NEBL: variants seen among roughly 807,000 people sequenced by gnomAD.
The protein encoded by NEBL is LIM and SH3 protein 2.
In NEBL, 122 loss-of-function variants were observed where a neutral mutation model predicts 140.2. The observed-to-expected ratio is 0.87, with a 90% CI of 0.75 to 1.01. NEBL has a LOEUF of 1.01. NEBL is among the 50% of genes least tolerant of loss of function. The probability of loss-of-function intolerance (pLI) is 0.00; values close to 1 mark genes in which losing one functional copy is unlikely to be tolerated. For synonymous variants in NEBL, 436 were observed against 398.9 expected (o/e 1.09, Z -1.11); for missense variants, 1,365 against 1,231.3 (o/e 1.11, Z -1.62).
intron 2 of NEBL, among the ~76,000 whole-genome samples, chr10:21,127,819 A>AT (rs1449545350): frequency 6.6e-6 from 1 of 152,240 alleles, no homozygotes; most frequent in Non-Finnish European, 1.5e-5. Flanking sequence ...AATTGAATAA[A>AT]TGTACTTAAT....
intron 2 of NEBL, among the ~76,000 whole-genome samples, chr10:21,075,294 C>G (rs1836013743): frequency 6.6e-6 from 1 of 152,078 alleles, no homozygotes; most frequent in South Asian, 2.1e-4. Flanking sequence ...TCCCAAAAGC[C>G]CAGTAGTTTC....
intron 3 of NEBL, among the ~76,000 whole-genome samples, chr10:21,230,774 TC>T (rs1842238568): frequency 6.6e-6 from 1 of 151,904 alleles, no homozygotes; most frequent in Non-Finnish European, 1.5e-5. Flanking sequence ...CCAGCTAATT[TC>T]TGTATTTTTG....
intron 11 of NEBL, among the ~76,000 whole-genome samples, chr10:20,848,055 T>C (rs1483540697): frequency 1.3e-5 from 2 of 152,172 alleles, no homozygotes; most frequent in African/African-American, 4.8e-5. Flanking sequence ...AAAAGCACTA[T>C]GATAGCTCCT....
intron 13 of NEBL, 138 bp from the exon 14 acceptor site, chr10:20,835,761 A>T (rs961541307): frequency 1.4e-5 from 10 of 708,102 alleles, no homozygotes; most frequent in South Asian, 5.9e-5. Flanking sequence ...ATGAATGATC[A>T]CTCACAACTA....
intron 3 of NEBL, among the ~76,000 whole-genome samples, chr10:21,242,096 G>A (rs1842447318): frequency 6.6e-6 from 1 of 152,104 alleles, no homozygotes; most frequent in African/African-American, 2.4e-5. Context: ...CAGCTACTTG[G>A]GAAGCTAAGA....
intron 4 of NEBL, among the ~76,000 whole-genome samples, chr10:20,903,878 G>A (rs1394421519): frequency 9.1e-6 from 1 of 110,236 alleles, no homozygotes; most frequent in African/African-American, 5.4e-5. Context: ...AAGGGAGAAG[G>A]GTAAGGGATT....
intron 1 of NEBL, among the ~76,000 whole-genome samples, chr10:21,284,080 C>T (rs983984139): frequency 4.8e-5 from 7 of 146,976 alleles, no homozygotes; most frequent in African/African-American, 1.5e-4. Context: ...TATGGTGGCT[C>T]ACGCCTGTAG....
At chr10:20,834,324 A>C (rs1188836474) in intron 14 of NEBL, among the ~76,000 whole-genome samples, 1 of 152,198 alleles carries the variant, frequency 6.6e-6, no homozygotes, top group Non-Finnish European at 1.5e-5. Context: ...ACTATCTCTC[A>C]GGACGAGAAC....
intron 3 of NEBL, among the ~76,000 whole-genome samples, chr10:21,181,480 A>AG (rs1841386825): frequency 6.6e-6 from 1 of 152,184 alleles, no homozygotes; most frequent in Non-Finnish European, 1.5e-5. Context: ...GCAGGAACCC[A>AG]GGAAAAACTG....
At chr10:21,099,235 T>C (rs1837354934) in intron 2 of NEBL, among the ~76,000 whole-genome samples, 1 of 152,218 alleles carries the variant, frequency 6.6e-6, no homozygotes, top group Non-Finnish European at 1.5e-5. Context: ...ATTATTAAAC[T>C]AAAAGTGACG....
chr10:20,897,720 C>T (rs963372574), upstream of NEBL: 18 of 207,364 alleles, frequency 8.7e-5, no homozygotes, highest in Non-Finnish European at 4.2e-5. Context: ...CATTCAAACT[C>T]ATTTTGTCAA....
chr10:20,949,763 C>G (rs1255717307), intron 4 of NEBL, among the ~76,000 whole-genome samples: 2 of 151,618 alleles, frequency 1.3e-5, no homozygotes, highest in Non-Finnish European at 2.9e-5. Context: ...CTGAGGACGT[C>G]TTTATTTCCT....
At chr10:21,050,593 A>G (rs186332014) in intron 2 of NEBL, among the ~76,000 whole-genome samples, 24 of 152,324 alleles carry the variant, frequency 1.6e-4, no homozygotes, top group Admixed American at 7.2e-4. Context: ...CAAAATAAAG[A>G]AAGTGAGGAA....
chr10:21,002,773 A>G (rs1837961015), intron 3 of NEBL, among the ~76,000 whole-genome samples: 1 of 152,088 alleles, frequency 6.6e-6, no homozygotes, highest in East Asian at 1.9e-4. Context: ...GAGAACAACA[A>G]GGGGGAAATC....
At chr10:21,170,136 A>C (rs1329528406) in intron 2 of NEBL, 3 of 152,230 alleles carry the variant, frequency 2.0e-5, no homozygotes, top group African/African-American at 4.8e-5. Flanking sequence ...CAATGACTCT[A>C]CTTCAGTAGA....
chr10:21,031,478 G>T (rs898124090), intron 2 of NEBL, among the ~76,000 whole-genome samples: 2 of 152,240 alleles, frequency 1.3e-5, no homozygotes, highest in African/African-American at 2.4e-5. Context: ...GGGAGGCCCA[G>T]GGGAGCAGTG....
intron 4 of NEBL, among the ~76,000 whole-genome samples, chr10:20,904,296 T>C (rs190784097): frequency 4.8e-4 from 73 of 152,342 alleles, no homozygotes; most frequent in African/African-American, 1.8e-3. Flanking sequence ...CAGCATTCCT[T>C]ACTATGCATT....
intron 14 of NEBL, among the ~76,000 whole-genome samples, chr10:20,832,650 A>G (rs1042683853): frequency 1.3e-5 from 2 of 152,238 alleles, no homozygotes; most frequent in African/African-American, 4.8e-5. Flanking sequence ...AATTTGCTTT[A>G]AAACAATTAT....
chr10:20,888,874 G>C (rs186844336), intron 3 of NEBL, among the ~76,000 whole-genome samples: 5 of 152,318 alleles, frequency 3.3e-5, no homozygotes, highest in African/African-American at 1.2e-4. Flanking sequence ...ATGGAACATA[G>C]CTAAGACAAA....
Sources: gnomAD v4.1 joint callset for allele counts (sites outside exome capture counted in the v4.1 genomes callset) on GRCh38, gnomAD v4.1.1 for gene constraint, MANE v1.5 for transcripts, NCBI Gene and HGNC (gene_info 2026-07-23, HGNC 2026-07-21) for gene names.